Variants in ATRNL1 observed in about 807,000 individuals in gnomAD.
The protein encoded by ATRNL1 is attractin like 1.
Under a neutral mutation model 182.7 loss-of-function variants are expected in ATRNL1, and 95 were observed. That is an observed-to-expected ratio of 0.52 (90% confidence interval 0.44 to 0.62). The LOEUF is 0.62. ATRNL1 is among the 20% of genes least tolerant of loss of function. The pLI is 0.00. For synonymous variants in ATRNL1, 576 were observed against 568.3 expected, an observed-to-expected ratio of 1.01 and a Z score of -0.19; for missense variants, 1,471 against 1,679.5, an observed-to-expected ratio of 0.88 and a Z score of 2.17.
intron 5 of ATRNL1, among the ~76,000 whole-genome samples, chr10:115,131,592 AAGAAGAGGAGAT>A (rs1354155220): frequency 1.2e-4 from 18 of 152,186 alleles, no homozygotes; most frequent in Non-Finnish European, 2.6e-4. Context: ...TCAGTGAGGT[AAGAAGAGGAGAT>A]AGATTTGCTT....
At chr10:115,585,321 G>A (rs10885741) in intron 26 of ATRNL1, among the ~76,000 whole-genome samples, 92,941 of 96,400 alleles carry the variant, frequency 0.96, 45,101 homozygotes, top group East Asian at 1. Context: ...TTTCTGTCTC[G>A]TTGATCTTTC....
intron 28 of ATRNL1, among the ~76,000 whole-genome samples, chr10:115,914,486 C>A (rs933842573): frequency 6.6e-6 from 1 of 152,148 alleles, no homozygotes; most frequent in Non-Finnish European, 1.5e-5. Flanking sequence ...CTGGTTTATG[C>A]CACATGCGTA....
At chr10:115,192,975 T>C (rs1401444851) in intron 8 of ATRNL1, among the ~76,000 whole-genome samples, 1 of 152,020 alleles carries the variant, frequency 6.6e-6, no homozygotes, top group African/African-American at 2.4e-5. Context: ...TTTTGGAGTC[T>C]TTAGGTTTTC....
At chr10:115,328,342 T>G (rs1855028081) in intron 18 of ATRNL1, among the ~76,000 whole-genome samples, 1 of 152,150 alleles carries the variant, frequency 6.6e-6, no homozygotes, top group South Asian at 2.1e-4. Context: ...TTCAATGCGA[T>G]GTTTTAATAC....
At chr10:115,722,372 G>A (rs10159620) in intron 26 of ATRNL1, among the ~76,000 whole-genome samples, 55,899 of 151,846 alleles carry the variant, frequency 0.37, 11,037 homozygotes, top group Admixed American at 0.54. Flanking sequence ...ACTGAAAGCA[G>A]AAGATTTCCA....
chr10:115,650,722 C>A (rs1859934167), intron 26 of ATRNL1, among the ~76,000 whole-genome samples: 2 of 152,030 alleles, frequency 1.3e-5, no homozygotes, highest in East Asian at 3.8e-4. Flanking sequence ...AAATGGCATA[C>A]TTAAGTCACC....
chr10:115,099,961 A>G (rs1389038855), intron 1 of ATRNL1, among the ~76,000 whole-genome samples: 5 of 152,042 alleles, frequency 3.3e-5, no homozygotes, highest in African/African-American at 7.2e-5. Context: ...CCAGTTTATC[A>G]TTTTTTTCTT....
chr10:115,380,841 A>G (rs963575898), intron 19 of ATRNL1, among the ~76,000 whole-genome samples: 1 of 152,176 alleles, frequency 6.6e-6, no homozygotes, highest in African/African-American at 2.4e-5. Flanking sequence ...TAATGCTGCT[A>G]TGAACATTCC....
chr10:115,731,716 A>G (rs1002567849), intron 27 of ATRNL1, among the ~76,000 whole-genome samples: 4 of 151,418 alleles, frequency 2.6e-5, no homozygotes, highest in Non-Finnish European at 4.4e-5. Context: ...ACAGTTATGT[A>G]ACCACCACCA....
chr10:115,884,301 A>T (rs1007186574), intron 28 of ATRNL1, among the ~76,000 whole-genome samples: 1 of 152,152 alleles, frequency 6.6e-6, no homozygotes, highest in Non-Finnish European at 1.5e-5. Context: ...TAACTCTAGG[A>T]AGGTTTGAAT....
rs541596890 is a variant in ATRNL1, at chr10:115,442,204, C to G, written c.3322+15902C>G. 8.2e-4 allele frequency among the ~76,000 whole-genome samples: 124 copies of G among 151,186 alleles called. No individual in the cohort carries two copies. In the Middle Eastern group the frequency reaches 0.031, roughly 38 times the overall value. ...TTATCTCTTACAACCCTCCACAAAT[C>G]ATTCTAAGCACAGTGGAATTATTTT... On this transcript the variant is annotated intron_variant, in intron 21 of 28. Transcript: ENST00000355044.
At chr10:115,675,182 G>A (rs1945820983) in intron 26 of ATRNL1, among the ~76,000 whole-genome samples, 1 of 152,102 alleles carries the variant, frequency 6.6e-6, no homozygotes, top group African/African-American at 2.4e-5. Flanking sequence ...AGGAATTGGA[G>A]ACAGCCTGGG....
intron 8 of ATRNL1, among the ~76,000 whole-genome samples, chr10:115,201,115 A>T (rs1848560940): frequency 8.0e-6 from 1 of 124,244 alleles, no homozygotes; most frequent in Non-Finnish European, 1.6e-5. Context: ...AGTTCATTGT[A>T]GATTCTGGAT....
chr10:115,728,298 C>CAAAAAA (rs58437496), intron 27 of ATRNL1, among the ~76,000 whole-genome samples: 1 of 58,778 alleles, frequency 1.7e-5, no homozygotes, highest in African/African-American at 7.1e-5. Context: ...GACTCCGCCT[C>CAAAAAA]AAAAAAAAAA....
chr10:115,232,932 A>G (rs1391471556), intron 9 of ATRNL1, among the ~76,000 whole-genome samples: 3 of 152,128 alleles, frequency 2.0e-5, no homozygotes, highest in Non-Finnish European at 4.4e-5. Context: ...TTAGCTTCTC[A>G]CAGTTCTGGT....
Position 115,172,417 on chromosome 10 carries a change from G to A in ATRNL1, c.1348+1125G>A, listed in dbSNP as rs138811748. Among the ~76,000 whole-genome samples the A allele has an allele frequency of 4.8e-3, 732 of 152,048 alleles. 4 individuals carry two copies. Among genetic ancestry groups the A allele is most frequent in the African/African-American group, 0.016 (646 of 41,524 alleles). On this transcript the variant is annotated intron_variant, in intron 8 of 28. Coordinates refer to ENST00000355044, the MANE Select transcript of ATRNL1 (RefSeq NM_207303.4). ...ATTTAGCTTCTGGCTTACTGTCACT[G>A]TGTCCAGAATACATAAGGCAAATAT...
At chr10:115,490,802 A>G (rs1849262753) in intron 24 of ATRNL1, among the ~76,000 whole-genome samples, 1 of 152,036 alleles carries the variant, frequency 6.6e-6, no homozygotes, top group Admixed American at 6.6e-5. Flanking sequence ...TTGGAGGAGA[A>G]GAGGTGTTCT....
intron 19 of ATRNL1, among the ~76,000 whole-genome samples, chr10:115,365,614 G>A (rs1246386723): frequency 1.3e-5 from 2 of 151,764 alleles, no homozygotes; most frequent in African/African-American, 4.8e-5. Context: ...TGTGATGTTA[G>A]GGTGTCAATT....
chr10:115,831,680 C>A (rs1364531352), intron 27 of ATRNL1, among the ~76,000 whole-genome samples: 1 of 152,098 alleles, frequency 6.6e-6, no homozygotes, highest in Admixed American at 6.5e-5. Flanking sequence ...TCTCTTAACT[C>A]TCAGAACCTT....
Sources: allele counts gnomAD v4.1 joint callset (sites outside exome capture counted in the v4.1 genomes callset), GRCh38; gene constraint gnomAD v4.1.1; transcripts MANE v1.5; gene names NCBI Gene and HGNC (gene_info 2026-07-23, HGNC 2026-07-21).